Variants in NRG3 observed in about 807,000 individuals in gnomAD.
NRG3 encodes the protein pro-neuregulin-3, membrane-bound isoform.
In NRG3, 31 loss-of-function variants were observed where a neutral mutation model predicts 66.9. The ratio of observed to expected loss-of-function variants is 0.46; its 90% CI spans 0.35 to 0.63. The LOEUF (loss-of-function observed/expected upper bound fraction) is 0.63, where lower values mean the gene tolerates loss of function less well. NRG3 is among the 20% of genes least tolerant of loss of function. The pLI is 0.00. For missense variants in NRG3, 910 were observed against 878.9 expected (o/e 1.04, Z -0.45); for synonymous variants, 393 against 359.4 (o/e 1.09, Z -1.06).
At chr10:82,289,100 G>A (rs1455753709) in intron 1 of NRG3, among the ~76,000 whole-genome samples, 1 of 152,148 alleles carries the variant, frequency 6.6e-6, no homozygotes, top group East Asian at 1.9e-4. Flanking sequence ...TGTACTTCTT[G>A]GCTTTTCTGT....
At chr10:82,332,725 C>T (rs1477704557) in intron 1 of NRG3, among the ~76,000 whole-genome samples, 1 of 152,154 alleles carries the variant, frequency 6.6e-6, no homozygotes, top group Non-Finnish European at 1.5e-5. Context: ...CAATCAATCA[C>T]TTATCTTTCA....
intron 1 of NRG3, among the ~76,000 whole-genome samples, chr10:81,937,924 G>A (rs753708150): frequency 1.1e-4 from 17 of 152,016 alleles, no homozygotes; most frequent in Non-Finnish European, 1.8e-4. Context: ...TATATATGAT[G>A]TAAGGCTAGA....
chr10:82,502,383 T>C (rs1182190022), intron 2 of NRG3, among the ~76,000 whole-genome samples: 4 of 152,212 alleles, frequency 2.6e-5, no homozygotes, highest in African/African-American at 9.6e-5. Flanking sequence ...CCAGGTTTTC[T>C]TGGTGTTTGT....
chr10:81,950,588 A>G (rs2133184641), intron 1 of NRG3, among the ~76,000 whole-genome samples: 1 of 152,328 alleles, frequency 6.6e-6, no homozygotes, highest in East Asian at 1.9e-4. Flanking sequence ...TGCATCACAC[A>G]GAGCCAAGCC....
At chr10:82,379,135 G>A (rs1320445762) in intron 2 of NRG3, among the ~76,000 whole-genome samples, 2 of 152,134 alleles carry the variant, frequency 1.3e-5, no homozygotes, top group East Asian at 3.9e-4. Flanking sequence ...GATTGAACAT[G>A]AAGCCTGGAC....
In NRG3 at chr10:82,659,001, C is replaced by G. The variant is rs72829355; in HGVS notation, c.954-79576C>G. Reference sequence around the variant, plus strand: ...GGAATGAGGAGGCTATAATTGTTGACTCTTTGACAATGGAATTTCAAACAT... The same window carrying G: ...GGAATGAGGAGGCTATAATTGTTGAGTCTTTGACAATGGAATTTCAAACAT... On this transcript the variant is annotated intron_variant, in intron 2 of 8. Coordinates refer to ENST00000372141, the MANE Select transcript of NRG3 (RefSeq NM_001010848.4). Among the ~76,000 whole-genome samples the G allele has an allele frequency of 6.9e-3, 1,057 of 152,240 alleles. 8 individuals carry two copies. The highest frequency in any genetic ancestry group is 9.9e-3 in the Non-Finnish European group (676 of 68,010).
intron 2 of NRG3, among the ~76,000 whole-genome samples, chr10:82,573,888 A>G (rs1165958322): frequency 6.6e-6 from 1 of 151,816 alleles, no homozygotes; most frequent in Non-Finnish European, 1.5e-5. Context: ...TTTATGAAAT[A>G]TGATAGGTTT....
At chr10:82,120,243 C>T (rs992066466) in intron 1 of NRG3, among the ~76,000 whole-genome samples, 1 of 152,030 alleles carries the variant, frequency 6.6e-6, no homozygotes, top group Non-Finnish European at 1.5e-5. Context: ...ACACCCAGGT[C>T]CTCTCTAACT....
At chr10:81,928,419 G>C (rs1444760741) in intron 1 of NRG3, among the ~76,000 whole-genome samples, 1 of 152,132 alleles carries the variant, frequency 6.6e-6, no homozygotes, top group Non-Finnish European at 1.5e-5. Flanking sequence ...AACTACATTT[G>C]GGTCTTAAAA....
chr10:82,604,726 C>G (rs2047853589), intron 2 of NRG3, among the ~76,000 whole-genome samples: 1 of 152,102 alleles, frequency 6.6e-6, no homozygotes, highest in Non-Finnish European at 1.5e-5. Context: ...GACAAAAGAG[C>G]AAACACAATT....
At chr10:82,870,204 T>C (rs926667436) in intron 4 of NRG3, among the ~76,000 whole-genome samples, 2 of 152,108 alleles carry the variant, frequency 1.3e-5, no homozygotes, top group African/African-American at 4.8e-5. Context: ...GTTTTAACTT[T>C]TCTAGACTGT....
intron 3 of NRG3, among the ~76,000 whole-genome samples, chr10:82,824,756 A>AC: frequency 6.7e-6 from 1 of 149,578 alleles, no homozygotes; most frequent in Non-Finnish European, 1.5e-5. Flanking sequence ...TCACTCTGTC[A>AC]CCCAGGCTTT....
At position 82,129,893 on chromosome 10, in the gene NRG3, T is replaced by C. The variant is rs192244236; in HGVS notation, c.824-228846T>C. Among the ~76,000 whole-genome samples, 76 of 152,252 alleles carry C rather than the reference T, an allele frequency of 5.0e-4. 1 individual carries two copies. In the East Asian group the frequency reaches 0.013, roughly 27 times the overall value. On this transcript the variant is annotated intron_variant, in intron 1 of 8. Coordinates refer to ENST00000372141, the MANE Select transcript of NRG3 (RefSeq NM_001010848.4). Reference sequence around the variant, plus strand: ...TTTTAAATGTGTAATAAATTATCATTGACTGTAATCACCCTATTCTGCTAT... The same window carrying C: ...TTTTAAATGTGTAATAAATTATCATCGACTGTAATCACCCTATTCTGCTAT...
At chr10:82,276,023 TACTC>T (rs1306773992) in intron 1 of NRG3, among the ~76,000 whole-genome samples, 8 of 152,038 alleles carry the variant, frequency 5.3e-5, no homozygotes, top group Admixed American at 5.2e-4. Flanking sequence ...AAGTTGAACA[TACTC>T]ATACATACTG....
At chr10:82,594,661 T>C (rs972928166) in intron 2 of NRG3, among the ~76,000 whole-genome samples, 4 of 152,214 alleles carry the variant, frequency 2.6e-5, no homozygotes, top group Non-Finnish European at 4.4e-5. Flanking sequence ...TTTTATCTTT[T>C]ACAATTATTT....
chr10:82,960,060 T>C (rs1430865338), intron 6 of NRG3, among the ~76,000 whole-genome samples: 2 of 152,196 alleles, frequency 1.3e-5, no homozygotes, highest in African/African-American at 4.8e-5. Context: ...CCCCTCCAAA[T>C]GCTTCAATCA....
intron 2 of NRG3, among the ~76,000 whole-genome samples, chr10:82,618,645 AT>A (rs2048827039): frequency 6.6e-6 from 1 of 152,190 alleles, no homozygotes; most frequent in Non-Finnish European, 1.5e-5. Context: ...GGAATCCACA[AT>A]AGAAGAAAAA....
chr10:82,169,995 G>GTTTTTTTTTTTTTTTTT, intron 1 of NRG3, among the ~76,000 whole-genome samples: 1 of 142,816 alleles, frequency 7.0e-6, no homozygotes, highest in Non-Finnish European at 1.5e-5. Context: ...TTTCATGTGT[G>GTTTTTTTTTTTTTTTTT]TTTTTTTTTT....
intron 1 of NRG3, among the ~76,000 whole-genome samples, chr10:82,349,604 T>C (rs1321360920): frequency 5.3e-5 from 8 of 152,018 alleles, no homozygotes; most frequent in Admixed American, 4.6e-4. Flanking sequence ...CAGTTCGAGC[T>C]TCCCGGCTGC....
Sources: allele counts gnomAD v4.1 joint callset (sites outside exome capture counted in the v4.1 genomes callset), GRCh38; gene constraint gnomAD v4.1.1; transcripts MANE v1.5; gene names NCBI Gene and HGNC (gene_info 2026-07-23, HGNC 2026-07-21).